The following TAF2 variants were observed in gnomAD, a reference collection of about 807,000 sequenced individuals.
The protein encoded by TAF2 is TATA-box binding protein associated factor 2.
Under a neutral mutation model 138.5 loss-of-function variants are expected in TAF2, and 61 were observed. That is an observed-to-expected ratio of 0.44 (90% CI 0.36 to 0.54). TAF2 has a LOEUF of 0.54. TAF2 is among the 20% of genes least tolerant of loss of function. The pLI is 0.00. For synonymous variants in TAF2, 475 were observed against 469.9 expected (o/e 1.01, Z -0.14); for missense variants, 1,090 against 1,427.9 (o/e 0.76, Z 3.81).
chr8:119,797,546 A>T (rs927699061), intron 7 of TAF2, 116 bp downstream of exon 7: 1 of 1,043,748 alleles, frequency 9.6e-7, no homozygotes. Context: ...AAAGCCAATC[A>T]CATCCAAATT....
intron 4 of TAF2, among the ~76,000 whole-genome samples, chr8:119,805,488 C>T (rs2131218647): frequency 6.6e-6 from 1 of 152,182 alleles, no homozygotes; most frequent in Non-Finnish European, 1.5e-5. Context: ...GGTGGATCAC[C>T]TGAGGTCAGG....
chr8:119,759,864 G>GT (rs1461797055), intron 20 of TAF2, among the ~76,000 whole-genome samples: 8 of 152,094 alleles, frequency 5.3e-5, no homozygotes, highest in African/African-American at 1.9e-4. Flanking sequence ...ATAGCCATTT[G>GT]TTCACTGTCT....
intron 2 of TAF2, among the ~76,000 whole-genome samples, chr8:119,827,796 T>C (rs749516414): frequency 6.7e-6 from 1 of 149,774 alleles, no homozygotes; most frequent in Non-Finnish European, 1.5e-5. Flanking sequence ...CAGGCTGGAG[T>C]GCAGTGGCAT....
intron 24 of TAF2, among the ~76,000 whole-genome samples, chr8:119,742,946 G>A (rs1331735860): frequency 6.6e-6 from 1 of 151,952 alleles, no homozygotes; most frequent in African/African-American, 2.4e-5. Flanking sequence ...GTGCGCGCCT[G>A]TAGTCCCAGC....
chr8:119,764,104 C>T (rs546695071), intron 18 of TAF2, among the ~76,000 whole-genome samples: 46 of 151,876 alleles, frequency 3.0e-4, no homozygotes, highest in African/African-American at 8.5e-4. Context: ...CGAGATTGTG[C>T]CACTGCACTC....
rs1311936695 is a variant in TAF2, at chr8:119,731,644, A to G, written c.*280T>C. 2 of 448,524 alleles carry G rather than the reference A, an allele frequency of 4.5e-6. No individual in the cohort carries two copies. The highest frequency in any genetic ancestry group is 4.3e-5 in the East Asian group (1 of 23,222). The allele number at this position is 448,524 out of a possible 1,614,324, so 27.8% of individuals were successfully genotyped here. ...TGATGCGAACGGGGACTGCCAGTGG[A>G]TATGAGGGCTTTTATGAAAGGGAGT... On this transcript the variant is annotated 3_prime_UTR_variant, in exon 26 of 26. Coordinates refer to ENST00000378164, the MANE Select transcript of TAF2 (RefSeq NM_003184.4).
intron 25 of TAF2, among the ~76,000 whole-genome samples, chr8:119,740,715 C>T (rs946386033): frequency 7.0e-6 from 1 of 143,768 alleles, no homozygotes; most frequent in African/African-American, 2.6e-5. Flanking sequence ...AAGAAACTAC[C>T]TATAGAAAAA....
chr8:119,793,627 C>A (rs1823599934), intron 9 of TAF2, among the ~76,000 whole-genome samples, 176 bp from the exon 10 acceptor site: 1 of 152,174 alleles, frequency 6.6e-6, no homozygotes, highest in Non-Finnish European at 1.5e-5. Flanking sequence ...AAGCAGCCTA[C>A]ACAGCTGGCA....
rs199687305 is a variant in TAF2 at position 119,805,273 on chromosome 8, ACT to A, written c.418+1008_418+1009del. The stretch of plus-strand genomic sequence containing the variant: ...CTAAGTGAAGTTCAGCAGGTCACTC[ACT>A]CTCATTAGACTTCAGATTACTCTTC... On this transcript the variant is annotated intron_variant, in intron 4 of 25. Transcript: ENST00000378164. Among the ~76,000 whole-genome samples, 271 of 152,248 alleles carry A rather than the reference ACT, an allele frequency of 1.8e-3. 3 individuals carry two copies. The East Asian group carries it at 0.033, about 18-fold the overall frequency.
chr8:119,801,699 A>T, intron 6 of TAF2, 95 bp downstream of exon 6: 1 of 1,234,590 alleles, frequency 8.1e-7, no homozygotes, highest in East Asian at 2.4e-5. Context: ...AAGTGCTGGG[A>T]TTACAGGCAT....
intron 2 of TAF2, among the ~76,000 whole-genome samples, chr8:119,821,439 T>C (rs963866441): frequency 3.3e-5 from 5 of 152,216 alleles, no homozygotes; most frequent in Non-Finnish European, 7.3e-5. Flanking sequence ...AAATGGTTCC[T>C]GAATCCTCCT....
chr8:119,789,321 T>C (rs1367192277), intron 12 of TAF2, among the ~76,000 whole-genome samples: 1 of 152,112 alleles, frequency 6.6e-6, no homozygotes, highest in Non-Finnish European at 1.5e-5. Flanking sequence ...ATCAAACCAA[T>C]TTTTTTACTC....
Position 119,763,002 on chromosome 8 carries a change from T to A in TAF2, c.2365-394A>T, listed in dbSNP as rs1821171155. 1.8e-5 allele frequency: 3 copies of A among 171,298 alleles called. No homozygotes were observed. In the South Asian group the frequency reaches 4.0e-4, roughly 23 times the overall value. The allele number at this position is 171,298 out of a possible 1,614,324, so 10.6% of individuals were successfully genotyped here. The stretch of plus-strand genomic sequence containing the variant: ...AAAGGTGACCTGGATATGGCTTGAT[T>A]TATACTCAGCAAATCAGATGCTGTG... On this transcript the variant is annotated intron_variant, in intron 18 of 25. Transcript: ENST00000378164.
At chr8:119,757,832 G>C (rs533306181) in intron 21 of TAF2, among the ~76,000 whole-genome samples, 2 of 151,938 alleles carry the variant, frequency 1.3e-5, no homozygotes, top group Admixed American at 1.3e-4. Context: ...GGAGGCGGAG[G>C]TTGCAGTGAG....
Position 119,797,042 on chromosome 8 carries a change from C to CTA in TAF2, c.1037_1038dup (p.Ala347Ter). 6.2e-7 allele frequency: 1 copy of CTA among 1,613,268 alleles called. No individual in the cohort carries two copies. The highest frequency in any genetic ancestry group is 8.5e-7 in the Non-Finnish European group (1 of 1,179,544). ...AAAAACTGCTGGGCCAAGGATTGGG[C>CTA]TAAACACCTTCTAGTCAAAGGTGTC... On this transcript the variant is annotated frameshift_variant, in exon 8 of 26. Coordinates refer to ENST00000378164, the MANE Select transcript of TAF2 (RefSeq NM_003184.4). LOFTEE classifies it high-confidence loss of function.
intron 2 of TAF2, among the ~76,000 whole-genome samples, chr8:119,828,551 TAAAG>T (rs1384817620): frequency 6.6e-6 from 1 of 152,082 alleles, no homozygotes; most frequent in Non-Finnish European, 1.5e-5. Flanking sequence ...GTGAAGGTCC[TAAAG>T]AAACAAGGGT....
chr8:119,797,610 T>A, intron 7 of TAF2, 52 bp downstream of exon 7: 3 of 1,556,152 alleles, frequency 1.9e-6, no homozygotes, highest in Non-Finnish European at 1.8e-6. Flanking sequence ...CAGTAAATTT[T>A]CTTCATATCA....
intron 3 of TAF2, among the ~76,000 whole-genome samples, chr8:119,811,429 C>T (rs1281550981): frequency 1.3e-5 from 2 of 151,508 alleles, no homozygotes; most frequent in Non-Finnish European, 2.9e-5. Context: ...TACACACGCC[C>T]TAGTAAACAG....
chr8:119,819,486 T>C lies in TAF2; in HGVS notation c.159A>G (p.Ile53Met). The change falls in exon 3 of 26, where the codon ATA becomes ATG. Residue 53 changes from isoleucine (I) to methionine (M), a missense_variant. By Grantham distance (10) the Ile-to-Met change is conservative. This residue lies in a region of TAF2 where 504 missense variants were observed against 680.9 expected (regional missense o/e 0.74). Coordinates refer to ENST00000378164, the MANE Select transcript of TAF2 (RefSeq NM_003184.4). ...TATTCAAGTTTGCAACTGTGGGAAA[T>C]ATAGTCAGTTCCACAAATCCCTGTA... ...KSVVGFVELT[I>M]FPTVANLNRI... is the part of the protein sequence containing the mutation. The C allele has an allele frequency of 6.2e-7, 1 of 1,608,300 alleles. No individual in the cohort carries two copies.
Sources: gnomAD v4.1 joint callset for allele counts (sites outside exome capture counted in the v4.1 genomes callset) on GRCh38, gnomAD v4.1.1 for gene constraint, gnomAD v4.1.1 regional missense constraint, MANE v1.5 for transcripts, NCBI Gene and HGNC (gene_info 2026-07-23, HGNC 2026-07-21) for gene names.